DUSP16: variants seen among roughly 807,000 people sequenced by gnomAD.
DUSP16 encodes dual specificity protein phosphatase 16.
DUSP16 carries 21 observed loss-of-function variants against 58.3 expected under a neutral mutation model. That is an observed-to-expected ratio of 0.36 (90% confidence interval 0.26 to 0.52). DUSP16 has a LOEUF of 0.52. Ranked by LOEUF, DUSP16 falls within the 20% of genes least tolerant of loss-of-function variation. The pLI, the probability that DUSP16 is intolerant of heterozygous loss-of-function variation, is 0.94. For synonymous variants in DUSP16, 320 were observed against 323.8 expected, an observed-to-expected ratio of 0.99 and a Z score of 0.12; for missense variants, 726 against 819.0, an observed-to-expected ratio of 0.89 and a Z score of 1.39.
chr12:12,524,700 AC>A (rs1944278969), intron 1 of DUSP16, among the ~76,000 whole-genome samples: 1 of 152,238 alleles, frequency 6.6e-6, no homozygotes, highest in African/African-American at 2.4e-5. Context: ...AGTCCATAGA[AC>A]AAAATCCAGA....
At chr12:12,500,373 G>A in intron 4 of DUSP16, 146 bp downstream of exon 4, 1 of 884,670 alleles carries the variant, frequency 1.1e-6, no homozygotes, top group Non-Finnish European at 1.6e-6. Flanking sequence ...TCCAAGAGAT[G>A]ACGCAACTGT....
intron 5 of DUSP16, among the ~76,000 whole-genome samples, chr12:12,485,786 CTTTTTTTT>C (rs749939375): frequency 6.7e-4 from 72 of 107,676 alleles, no homozygotes; most frequent in Middle Eastern, 5.3e-3. Context: ...GCCAATTCCA[CTTTTTTTT>C]TTTTTTTTTT....
intron 1 of DUSP16, among the ~76,000 whole-genome samples, chr12:12,537,557 A>G (rs914059959): frequency 6.6e-6 from 1 of 152,238 alleles, no homozygotes; most frequent in Non-Finnish European, 1.5e-5. Context: ...ACCAGACCAT[A>G]GAACTGTCTA....
chr12:12,560,803 A>G (rs1386333947), intron 1 of DUSP16: 3 of 152,156 alleles, frequency 2.0e-5, no homozygotes, highest in Admixed American at 2.0e-4. Context: ...TGGAGGTGAA[A>G]CAGCATAAAT....
At position 12,477,124 on chromosome 12, in the gene DUSP16, G is replaced by A; in HGVS notation, c.1707C>T (p.Ala569=). 1 of 1,614,236 alleles carries A rather than the reference G, an allele frequency of 6.2e-7. No homozygotes were observed. Among genetic ancestry groups the A allele is most frequent in the Non-Finnish European group, 8.5e-7 (1 of 1,180,046 alleles). The change falls in exon 7 of 7, where the codon GCC becomes GCT. Residue 569 remains alanine, a synonymous_variant. Transcript: ENST00000298573. This position sits in a 1 kb window ranked among gnomAD's most constrained non-coding sequence, Gnocchi z 4.1. ...TGGCACTGCCTCCGTAGATGGCTGA[G>A]GCAGAGTAGAAGTGTGAGGACTCTG... ...FATESSHFYS[A]SAIYGGSASY... is the part of the protein sequence containing the mutation.
rs150183854 is a variant in DUSP16, at chr12:12,495,343, G to A, written c.531+5176C>T. ...GGAAATTACATTGAATACAGCAGGC[G>A]AGGTTCATCTGCAAAGTGAAGACAT... On this transcript the variant is annotated intron_variant, in intron 4 of 6. Coordinates refer to ENST00000298573, the MANE Select transcript of DUSP16 (RefSeq NM_030640.3). 3.3e-3 allele frequency among the ~76,000 whole-genome samples: 506 copies of A among 151,858 alleles called. 3 individuals are homozygous for A. Among genetic ancestry groups the A allele is most frequent in the Non-Finnish European group, 6.0e-3 (407 of 67,992 alleles).
In DUSP16 at chr12:12,477,952, G is replaced by A; in HGVS notation, c.879C>T (p.Asp293=). 2 of 1,612,700 alleles carry A rather than the reference G, an allele frequency of 1.2e-6. No homozygotes were observed. Among genetic ancestry groups the A allele is most frequent in the Middle Eastern group, 1.7e-4 (1 of 6,052 alleles). Residue 293 remains aspartate (D), a synonymous_variant, in exon 7 of 7, where the codon GAC becomes GAT. Coordinates refer to ENST00000298573, the MANE Select transcript of DUSP16 (RefSeq NM_030640.3). This position sits in a 1 kb window ranked among gnomAD's most constrained non-coding sequence, Gnocchi z 4.1. ...PNFNFLGQLL[D]YEKKIKNQTG... ...TCTGGTTCTTAATCTTCTTCTCATAGTCCAGGAGTTGGCCCAGAAAATTGA... is the reference window on the plus strand; with the variant it reads ...TCTGGTTCTTAATCTTCTTCTCATAATCCAGGAGTTGGCCCAGAAAATTGA...
intron 1 of DUSP16, among the ~76,000 whole-genome samples, chr12:12,547,151 C>T (rs969215131): frequency 6.6e-6 from 1 of 152,064 alleles, no homozygotes; most frequent in African/African-American, 2.4e-5. Flanking sequence ...AATAACAGGC[C>T]AGTGCAGTGG....
At chr12:12,482,465 G>A (rs1214583056) in intron 5 of DUSP16, among the ~76,000 whole-genome samples, 2 of 152,170 alleles carry the variant, frequency 1.3e-5, no homozygotes, top group East Asian at 1.9e-4. Context: ...CTATACTGGA[G>A]TTGAGGTTCA....
intron 3 of DUSP16, among the ~76,000 whole-genome samples, chr12:12,510,510 C>T (rs562992767): frequency 4.6e-5 from 7 of 152,224 alleles, no homozygotes; most frequent in African/African-American, 1.4e-4. Flanking sequence ...CTTTGGCCAA[C>T]TACACATTTT....
chr12:12,490,590 G>A (rs1385564870), intron 4 of DUSP16, among the ~76,000 whole-genome samples: 1 of 152,120 alleles, frequency 6.6e-6, no homozygotes. Flanking sequence ...AAACATGCAT[G>A]AATACACTGA....
chr12:12,515,486 C>G (rs369965716), intron 3 of DUSP16, among the ~76,000 whole-genome samples: 106 of 152,026 alleles, frequency 7.0e-4, no homozygotes, highest in Non-Finnish European at 9.7e-4. Context: ...CGCCACCACA[C>G]CTGGTTAATT....
chr12:12,544,489 G>A (rs1033336619), intron 1 of DUSP16, among the ~76,000 whole-genome samples: 24 of 152,138 alleles, frequency 1.6e-4, no homozygotes, highest in African/African-American at 5.3e-4. Flanking sequence ...GAGTGGGTTT[G>A]CTAGGTTAAA....
chr12:12,502,304 A>G (rs1047489581), intron 3 of DUSP16, among the ~76,000 whole-genome samples: 3 of 152,210 alleles, frequency 2.0e-5, no homozygotes, highest in Non-Finnish European at 2.9e-5. Flanking sequence ...CCTCAATGCA[A>G]CAAGTTAGAA....
At chr12:12,497,586 G>C (rs894328079) in intron 4 of DUSP16, among the ~76,000 whole-genome samples, 20 of 151,462 alleles carry the variant, frequency 1.3e-4, no homozygotes, top group African/African-American at 4.6e-4. Flanking sequence ...AAAAAGCCCA[G>C]CATTTTAAAT....
intron 1 of DUSP16, among the ~76,000 whole-genome samples, chr12:12,539,733 G>A (rs1944523003): frequency 7.0e-6 from 1 of 142,972 alleles, no homozygotes; most frequent in South Asian, 2.2e-4. Context: ...CCTTCTCAAG[G>A]TTGGGCCAGC....
Position 12,498,126 on chromosome 12 carries a change from AAAG to A in DUSP16, c.531+2390_531+2392del, listed in dbSNP as rs539387151. Among the ~76,000 whole-genome samples the A allele has an allele frequency of 2.4e-3, 361 of 152,312 alleles. 1 individual carries two copies. Among genetic ancestry groups the A allele is most frequent in the Admixed American group, 7.4e-3 (113 of 15,304 alleles). ...TCATTTTTGGAGATCTTTAGGAAAA[AAAG>A]AAGCATATTATTTCTCTTGGAAAGT... On this transcript the variant is annotated intron_variant, in intron 4 of 6. Coordinates refer to ENST00000298573, the MANE Select transcript of DUSP16 (RefSeq NM_030640.3).
At chr12:12,531,492 T>C (rs1944383599) in intron 1 of DUSP16, among the ~76,000 whole-genome samples, 1 of 152,144 alleles carries the variant, frequency 6.6e-6, no homozygotes, top group South Asian at 2.1e-4. Flanking sequence ...CAAAAGTGTG[T>C]TGTATCTACT....
intron 5 of DUSP16, among the ~76,000 whole-genome samples, chr12:12,483,009 CA>C: frequency 6.6e-6 from 1 of 152,232 alleles, no homozygotes; most frequent in Non-Finnish European, 1.5e-5. Context: ...TGCACCTGGC[CA>C]AGGCTACCTT....
Sources: gnomAD v4.1 joint callset for allele counts (sites outside exome capture counted in the v4.1 genomes callset) on GRCh38, gnomAD v4.1.1 for gene constraint, Gnocchi (gnomAD v3.1) non-coding constraint, MANE v1.5 for transcripts, NCBI Gene and HGNC (gene_info 2026-07-23, HGNC 2026-07-21) for gene names.